Variants in ARID4A observed in about 807,000 individuals in gnomAD.
The protein encoded by ARID4A is AT-rich interaction domain 4A, also known as AT-rich interactive domain-containing protein 4A.
Under a neutral mutation model 148.6 loss-of-function variants are expected in ARID4A, and 39 were observed. That is an observed-to-expected ratio of 0.26 (90% CI 0.20 to 0.34). The LOEUF (loss-of-function observed/expected upper bound fraction) is 0.34. Ranked by LOEUF, ARID4A falls within the 10% of genes least tolerant of loss-of-function variation. The pLI, the probability that ARID4A is intolerant of heterozygous loss-of-function variation, is 1.00. For missense variants in ARID4A, 1,265 were observed against 1,449.1 expected, an observed-to-expected ratio of 0.87 and a Z score of 2.06; for synonymous variants, 475 against 481.2, an observed-to-expected ratio of 0.99 and a Z score of 0.17.
intron 16 of ARID4A, 129 bp downstream of exon 16, chr14:58,351,452 G>A: frequency 1.6e-6 from 2 of 1,233,598 alleles, no homozygotes; most frequent in Non-Finnish European, 2.2e-6. Flanking sequence ...GTCTAATGAA[G>A]GTGAGACACA....
intron 16 of ARID4A, chr14:58,351,531 T>C (rs2034637520): frequency 1.8e-6 from 1 of 566,710 alleles, no homozygotes; most frequent in Non-Finnish European, 2.9e-6. Flanking sequence ...TAATAGCACT[T>C]GTGCCCTAAA....
At chr14:58,320,530 GT>G (rs1207782032) in intron 7 of ARID4A, among the ~76,000 whole-genome samples, 1 of 150,092 alleles carries the variant, frequency 6.7e-6, no homozygotes, top group Non-Finnish European at 1.5e-5. Context: ...ATTGCATATA[GT>G]TTATATGGTT....
chr14:58,319,975 G>A (rs1315017516), intron 7 of ARID4A, among the ~76,000 whole-genome samples: 1 of 134,992 alleles, frequency 7.4e-6, no homozygotes, highest in African/African-American at 2.8e-5. Flanking sequence ...TTGAGACGGA[G>A]TATCACTCTG....
chr14:58,365,727 C>G (rs769373914), intron 21 of ARID4A, 105 bp downstream of exon 21: 1 of 994,926 alleles, frequency 1.0e-6, no homozygotes, highest in East Asian at 2.7e-5. Context: ...TTTATAACTG[C>G]ATTTTCATTT....
chr14:58,329,915 C>T (rs553004261), intron 10 of ARID4A, 88 bp from the exon 11 acceptor site: 1 of 1,513,794 alleles, frequency 6.6e-7, no homozygotes, highest in African/African-American at 1.4e-5. Context: ...AATTTGAATT[C>T]AGATCTTTGA....
chr14:58,315,052 G>A (rs1224387265), intron 5 of ARID4A, among the ~76,000 whole-genome samples: 2 of 152,152 alleles, frequency 1.3e-5, no homozygotes, highest in East Asian at 1.9e-4. Context: ...CTGGGAGGCC[G>A]AGGTTGCAGT....
At chr14:58,339,328 C>A (rs2033993259) in intron 11 of ARID4A, among the ~76,000 whole-genome samples, 1 of 152,020 alleles carries the variant, frequency 6.6e-6, no homozygotes, top group African/African-American at 2.4e-5. Flanking sequence ...GAATACCCAT[C>A]AACAATATGT....
chr14:58,370,616 C>A (rs901601642), intron 23 of ARID4A, among the ~76,000 whole-genome samples: 1 of 150,846 alleles, frequency 6.6e-6, no homozygotes, highest in Non-Finnish European at 1.5e-5. Context: ...TTTTTATTAC[C>A]GTCTTTTTTG....
chr14:58,350,384 G>T (rs1162967277), intron 15 of ARID4A, among the ~76,000 whole-genome samples: 1 of 152,164 alleles, frequency 6.6e-6, no homozygotes, highest in African/African-American at 2.4e-5. Context: ...CCAGTGTATA[G>T]AAGTTGACTT....
chr14:58,336,381 G>T (rs2033816130), intron 11 of ARID4A, among the ~76,000 whole-genome samples: 1 of 152,108 alleles, frequency 6.6e-6, no homozygotes, highest in Non-Finnish European at 1.5e-5. Context: ...AATTCCACTT[G>T]GGATGGGGCT....
At chr14:58,323,316 C>G (rs1221551199) in intron 7 of ARID4A, among the ~76,000 whole-genome samples, 169 bp from the exon 8 acceptor site, 1 of 152,148 alleles carries the variant, frequency 6.6e-6, no homozygotes, top group African/African-American at 2.4e-5. Flanking sequence ...GACTACATAC[C>G]TCTGTGAGGC....
chr14:58,306,176 A>C lies in ARID4A; in HGVS notation c.274+64A>C, dbSNP rs1245737985. 4.5e-6 allele frequency: 5 copies of C among 1,111,796 alleles called. No homozygotes were observed. The East Asian group carries it at 9.5e-5, about 21-fold the overall frequency. 68.9% of individuals were successfully genotyped at this position (1,111,796 alleles called of 1,614,324 possible). A position where few individuals can be genotyped will look rare whatever the true frequency, so the allele number is the denominator to read the frequency against. ...GGTTGCATGTATCTGTGTTTTGTGGATACACTGAATCATTGTGTTGGTGGA... is the reference window on the plus strand; with the variant it reads ...GGTTGCATGTATCTGTGTTTTGTGGCTACACTGAATCATTGTGTTGGTGGA... On this transcript the variant is annotated intron_variant, in intron 5 of 23. Transcript: ENST00000355431.
At chr14:58,328,797 A>T (rs1014128806) in intron 9 of ARID4A, among the ~76,000 whole-genome samples, 1 of 152,074 alleles carries the variant, frequency 6.6e-6, no homozygotes, top group African/African-American at 2.4e-5. Context: ...GATCGAGACC[A>T]TTCTGGCCAA....
chr14:58,310,250 T>G (rs755536615), intron 5 of ARID4A, among the ~76,000 whole-genome samples: 1 of 152,066 alleles, frequency 6.6e-6, no homozygotes, highest in Non-Finnish European at 1.5e-5. Context: ...GTTTTTACCT[T>G]AGCTGCTGAG....
intron 11 of ARID4A, among the ~76,000 whole-genome samples, chr14:58,331,863 C>T (rs553661766): frequency 6.8e-6 from 1 of 148,030 alleles, no homozygotes; most frequent in African/African-American, 2.5e-5. Context: ...TGAACTGTTG[C>T]AAATCTGTGA....
intron 11 of ARID4A, among the ~76,000 whole-genome samples, chr14:58,338,280 G>A (rs367811354): frequency 3.3e-5 from 5 of 152,078 alleles, no homozygotes; most frequent in African/African-American, 7.2e-5. Flanking sequence ...CTTAGTTTTA[G>A]TATTTCACAT....
At chr14:58,347,348 G>A (rs1031676665) in intron 14 of ARID4A, among the ~76,000 whole-genome samples, 5 of 152,138 alleles carry the variant, frequency 3.3e-5, no homozygotes, top group Non-Finnish European at 5.9e-5. Context: ...TGCAGGTAGT[G>A]TCTGCGATTA....
intron 5 of ARID4A, among the ~76,000 whole-genome samples, chr14:58,313,297 G>T (rs1040628934): frequency 6.6e-6 from 1 of 152,202 alleles, no homozygotes; most frequent in Non-Finnish European, 1.5e-5. Flanking sequence ...ATGGATGGAA[G>T]TGCTGGGGGA....
At chr14:58,361,392 G>T (rs978009443) in intron 19 of ARID4A, among the ~76,000 whole-genome samples, 4 of 152,238 alleles carry the variant, frequency 2.6e-5, no homozygotes, top group African/African-American at 9.6e-5. Context: ...AATAAAGATT[G>T]TGTTATTTGA....
Sources: allele counts gnomAD v4.1 joint callset (sites outside exome capture counted in the v4.1 genomes callset), GRCh38; gene constraint gnomAD v4.1.1; transcripts MANE v1.5; gene names NCBI Gene and HGNC (gene_info 2026-07-23, HGNC 2026-07-21).